The following TMPRSS11E variants were observed in gnomAD, a reference collection of about 807,000 sequenced individuals.
TMPRSS11E encodes transmembrane protease serine 11E.
TMPRSS11E carries 38 observed loss-of-function variants against 48.1 expected under a neutral mutation model. That is an observed-to-expected ratio of 0.79 (90% CI 0.61 to 1.04). The LOEUF is 1.04. Ranked by LOEUF, TMPRSS11E falls within the 50% of genes least tolerant of loss-of-function variation. The pLI, the probability that TMPRSS11E is intolerant of heterozygous loss-of-function variation, is 0.00. For synonymous variants in TMPRSS11E, 158 were observed against 171.9 expected (o/e 0.92, Z 0.63); for missense variants, 530 against 510.8 (o/e 1.04, Z -0.36).
intron 9 of TMPRSS11E, among the ~76,000 whole-genome samples, chr4:68,485,536 C>T (rs1027368809): frequency 1.3e-5 from 2 of 152,110 alleles, no homozygotes; most frequent in Admixed American, 1.3e-4. Flanking sequence ...TGATGTGCTG[C>T]TGGATTTGGT....
intron 7 of TMPRSS11E, among the ~76,000 whole-genome samples, chr4:68,476,927 C>A (rs1729235040): frequency 1.3e-5 from 2 of 152,024 alleles, no homozygotes; most frequent in Non-Finnish European, 2.9e-5. Context: ...AAATGGAGGA[C>A]CCTTCAATCT....
At chr4:68,462,109 T>C (rs185424730) in intron 2 of TMPRSS11E, among the ~76,000 whole-genome samples, 164 bp downstream of exon 2, 3 of 152,302 alleles carry the variant, frequency 2.0e-5, no homozygotes, top group Admixed American at 1.3e-4. Flanking sequence ...TCCTCATAAG[T>C]CAAGGAGGAT....
intron 4 of TMPRSS11E, 36 bp from the exon 5 acceptor site, chr4:68,471,422 CTT>C: frequency 2.1e-6 from 1 of 466,122 alleles, no homozygotes; most frequent in Non-Finnish European, 2.9e-6. Context: ...TTCTTCTTTT[CTT>C]TTCTTTCTTT....
In TMPRSS11E at chr4:68,496,913, C is replaced by A; in HGVS notation, c.*109C>A. 9.0e-7 allele frequency: 1 copy of A among 1,114,612 alleles called. No homozygotes were observed. Among genetic ancestry groups the A allele is most frequent in the Non-Finnish European group, 1.3e-6 (1 of 767,612 alleles). 69.0% of individuals were successfully genotyped at this position (1,114,612 alleles called of 1,614,324 possible). A position where few individuals can be genotyped will look rare whatever the true frequency, so the allele number is the denominator to read the frequency against. On this transcript the variant is annotated 3_prime_UTR_variant, in exon 10 of 10. Transcript: ENST00000305363. ...AGACTTGCAAAACAGCTAGATTTGA[C>A]TGATCTCAATAAACTGTTTGCTTGA...
At chr4:68,463,326 G>T (rs1387484501) in intron 2 of TMPRSS11E, among the ~76,000 whole-genome samples, 1 of 151,916 alleles carries the variant, frequency 6.6e-6, no homozygotes, top group South Asian at 2.1e-4. Context: ...TTTTTGAGAC[G>T]GAGTCTTGGT....
chr4:68,483,372 C>T (rs189600519), intron 9 of TMPRSS11E, among the ~76,000 whole-genome samples: 35 of 152,298 alleles, frequency 2.3e-4, no homozygotes, highest in Middle Eastern at 3.4e-3. Context: ...ACAACTCCCA[C>T]CAGCCTCACT....
chr4:68,493,933 T>C (rs1440369076), intron 9 of TMPRSS11E, among the ~76,000 whole-genome samples: 9 of 152,206 alleles, frequency 5.9e-5, no homozygotes, highest in Admixed American at 5.9e-4. Context: ...TCAGTGGTAT[T>C]TGGCGACCTT....
At chr4:68,483,076 A>G (rs776480006) in intron 9 of TMPRSS11E, among the ~76,000 whole-genome samples, 33 of 152,330 alleles carry the variant, frequency 2.2e-4, no homozygotes, top group Non-Finnish European at 4.3e-4. Flanking sequence ...ATTAAGAAAT[A>G]TCTGAGGCTG....
chr4:68,488,043 A>G (rs1396727519), intron 9 of TMPRSS11E, among the ~76,000 whole-genome samples: 1 of 151,100 alleles, frequency 6.6e-6, no homozygotes, highest in African/African-American at 2.4e-5. Flanking sequence ...TTATCCTGAT[A>G]TCACCCCCTT....
intron 9 of TMPRSS11E, among the ~76,000 whole-genome samples, chr4:68,485,852 A>G (rs537458552): frequency 6.6e-6 from 1 of 152,070 alleles, no homozygotes; most frequent in African/African-American, 2.4e-5. Context: ...CTTCTCAGGT[A>G]TTCAATTTCT....
At chr4:68,471,712 C>G in intron 5 of TMPRSS11E, 89 bp downstream of exon 5, 1 of 986,770 alleles carries the variant, frequency 1.0e-6, no homozygotes, top group Non-Finnish European at 1.4e-6. Context: ...TTTTGATGTC[C>G]TTTAATTCTG....
chr4:68,459,940 A>G (rs1316772700), intron 1 of TMPRSS11E, among the ~76,000 whole-genome samples: 1 of 152,216 alleles, frequency 6.6e-6, no homozygotes, highest in Non-Finnish European at 1.5e-5. Flanking sequence ...TCTTAGGCTC[A>G]GTTGCACATA....
At chr4:68,496,572 A>G (rs1729870936) in intron 9 of TMPRSS11E, 71 bp from the exon 10 acceptor site, 1 of 1,440,472 alleles carries the variant, frequency 6.9e-7, no homozygotes, top group Non-Finnish European at 9.4e-7. Flanking sequence ...TACATTCTTA[A>G]GTTAGAAAAA....
At chr4:68,480,066 G>C (rs1729360652) in intron 9 of TMPRSS11E, among the ~76,000 whole-genome samples, 1 of 152,072 alleles carries the variant, frequency 6.6e-6, no homozygotes, top group African/African-American at 2.4e-5. Flanking sequence ...TCAAGAGTTT[G>C]TCTTTAGTTT....
chr4:68,450,618 A>G (rs1489635813), intron 1 of TMPRSS11E, among the ~76,000 whole-genome samples: 1 of 151,984 alleles, frequency 6.6e-6, no homozygotes, highest in Non-Finnish European at 1.5e-5. Context: ...CAGAAGATGT[A>G]AAGACTAATA....
At chr4:68,462,183 C>T (rs1032393634) in intron 2 of TMPRSS11E, among the ~76,000 whole-genome samples, 1 of 152,112 alleles carries the variant, frequency 6.6e-6, no homozygotes, top group Non-Finnish European at 1.5e-5. Context: ...TTTGCATCTT[C>T]CTTAATAAGC....
intron 9 of TMPRSS11E, among the ~76,000 whole-genome samples, chr4:68,479,622 A>G (rs1729350821): frequency 6.7e-6 from 1 of 150,244 alleles, no homozygotes; most frequent in East Asian, 1.9e-4. Flanking sequence ...TTAATATTAA[A>G]CATTAACAAA....
chr4:68,450,079 A>G (rs1728452296), intron 1 of TMPRSS11E, among the ~76,000 whole-genome samples: 1 of 151,526 alleles, frequency 6.6e-6, no homozygotes, highest in African/African-American at 2.4e-5. Flanking sequence ...ACCCTGTGAC[A>G]TTAGTCAGTA....
chr4:68,485,970 T>TA (rs1729541285), intron 9 of TMPRSS11E, among the ~76,000 whole-genome samples: 2 of 152,126 alleles, frequency 1.3e-5, no homozygotes. Context: ...AAATTTTTTG[T>TA]AAAAAATATT....
Sources: gnomAD v4.1 joint callset for allele counts (sites outside exome capture counted in the v4.1 genomes callset) on GRCh38, gnomAD v4.1.1 for gene constraint, MANE v1.5 for transcripts, NCBI Gene and HGNC (gene_info 2026-07-23, HGNC 2026-07-21) for gene names.